The following SNX6 variants were observed in gnomAD, a reference collection of about 807,000 sequenced individuals.
SNX6 encodes the protein sorting nexin-6.
A neutral mutation model predicts 63.0 loss-of-function variants in SNX6; 34 were observed. The observed-to-expected ratio is 0.54, with a 90% confidence interval of 0.41 to 0.72. SNX6 has a LOEUF of 0.72. Among genes scored for constraint, SNX6 ranks in the 30% least tolerant of loss-of-function variants. The probability of loss-of-function intolerance (pLI) is 0.00; values close to 1 mark genes in which losing one functional copy is unlikely to be tolerated. For missense variants in SNX6, 398 were observed against 471.4 expected, an observed-to-expected ratio of 0.84 and a Z score of 1.44; for synonymous variants, 170 against 164.2, an observed-to-expected ratio of 1.04 and a Z score of -0.27.
chr14:34,608,708 T>C (rs1883111545), intron 3 of SNX6, among the ~76,000 whole-genome samples: 1 of 152,176 alleles, frequency 6.6e-6, no homozygotes, highest in Non-Finnish European at 1.5e-5. Flanking sequence ...TCTGAAAATG[T>C]GCTCAAGAAC....
chr14:34,611,469 C>T (rs1373550876), intron 2 of SNX6, among the ~76,000 whole-genome samples: 3 of 150,932 alleles, frequency 2.0e-5, no homozygotes, highest in Non-Finnish European at 4.4e-5. Context: ...AGAGCCAAAC[C>T]CTGTCTCAAA....
At chr14:34,585,925 G>A (rs1377951333) in intron 9 of SNX6, among the ~76,000 whole-genome samples, 2 of 145,266 alleles carry the variant, frequency 1.4e-5, no homozygotes, top group Non-Finnish European at 1.5e-5. Context: ...TTTTTTTTGA[G>A]ATGGAGTCTC....
At chr14:34,608,505 T>G (rs552329633) in intron 3 of SNX6, among the ~76,000 whole-genome samples, 2 of 152,282 alleles carry the variant, frequency 1.3e-5, no homozygotes, top group South Asian at 4.1e-4. Context: ...TTAAAAAAAT[T>G]CATCTTATTT....
chr14:34,616,516 C>T (rs1260501768), intron 2 of SNX6, among the ~76,000 whole-genome samples: 1 of 151,998 alleles, frequency 6.6e-6, no homozygotes, highest in Non-Finnish European at 1.5e-5. Flanking sequence ...ACTACAGGCA[C>T]ACATCACCAT....
intron 7 of SNX6, among the ~76,000 whole-genome samples, chr14:34,594,372 C>G (rs1318586760): frequency 6.6e-6 from 1 of 151,124 alleles, no homozygotes; most frequent in East Asian, 1.9e-4. Flanking sequence ...TTATTATCTT[C>G]AGACAGAGTC....
intron 2 of SNX6, among the ~76,000 whole-genome samples, chr14:34,616,292 T>C (rs1480114957): frequency 6.6e-6 from 1 of 152,118 alleles, no homozygotes; most frequent in Non-Finnish European, 1.5e-5. Flanking sequence ...ACAATTTAAC[T>C]AGCAACATTT....
At chr14:34,598,759 T>C (rs1882696173) in intron 6 of SNX6, among the ~76,000 whole-genome samples, 1 of 152,126 alleles carries the variant, frequency 6.6e-6, no homozygotes, top group South Asian at 2.1e-4. Context: ...TGGCTCCTGC[T>C]TGGAGTCCCA....
chr14:34,615,453 CT>C (rs1210803895), intron 2 of SNX6, among the ~76,000 whole-genome samples: 2 of 152,154 alleles, frequency 1.3e-5, no homozygotes, highest in Non-Finnish European at 2.9e-5. Context: ...ACCTCCTGGG[CT>C]TAAGTGATTC....
At chr14:34,609,389 G>A (rs1317703138) in intron 3 of SNX6, among the ~76,000 whole-genome samples, 1 of 149,102 alleles carries the variant, frequency 6.7e-6, no homozygotes, top group Non-Finnish European at 1.5e-5. Flanking sequence ...GCTGAGGCAG[G>A]AGAATGGCGT....
chr14:34,587,968 G>T (rs997519000), intron 8 of SNX6, among the ~76,000 whole-genome samples: 1 of 150,934 alleles, frequency 6.6e-6, no homozygotes, highest in African/African-American at 2.4e-5. Context: ...ATGCCACCAT[G>T]CCCAGCTAAT....
At chr14:34,591,916 C>CT (rs1318641185) in intron 8 of SNX6, among the ~76,000 whole-genome samples, 1 of 152,190 alleles carries the variant, frequency 6.6e-6, no homozygotes, top group Non-Finnish European at 1.5e-5. Flanking sequence ...AATCACAACT[C>CT]TATCACTAAA....
At chr14:34,603,285 C>CAAAA in intron 6 of SNX6, 63 bp downstream of exon 6, 2 of 1,163,092 alleles carry the variant, frequency 1.7e-6, no homozygotes, top group South Asian at 1.7e-5. Flanking sequence ...GATTCCGTCT[C>CAAAA]AAAAAAAAAA....
chr14:34,603,416 G>GACACAGGAACACTTCAT lies in SNX6; in HGVS notation c.431_447dup (p.Arg150MetfsTer14). 1 of 1,609,900 alleles carries GACACAGGAACACTTCAT rather than the reference G, an allele frequency of 6.2e-7. No individual in the cohort carries two copies. Among genetic ancestry groups the GACACAGGAACACTTCAT allele is most frequent in the Non-Finnish European group, 8.5e-7 (1 of 1,177,640 alleles). On this transcript the variant is annotated frameshift_variant, in exon 6 of 14. Coordinates refer to ENST00000362031, the MANE Select transcript of SNX6 (RefSeq NM_152233.4). LOFTEE classifies it high-confidence loss of function. ...CTCAAAATAGGATGTGCTGCCACAC[G>GACACAGGAACACTTCAT]ACACAGGAACACTTCATGCATCGCA...
At chr14:34,607,218 T>A (rs1204907897) in intron 4 of SNX6, among the ~76,000 whole-genome samples, 1 of 152,050 alleles carries the variant, frequency 6.6e-6, no homozygotes, top group Non-Finnish European at 1.5e-5. Context: ...AGAAAACACT[T>A]CAGGATAAAA....
Position 34,608,683 on chromosome 14 carries a change from G to A in SNX6, c.160-543C>T, listed in dbSNP as rs548416003. Among the ~76,000 whole-genome samples the A allele has an allele frequency of 4.6e-5, 7 of 152,154 alleles. No homozygotes were observed. The South Asian group carries it at 1.4e-3, about 32-fold the overall frequency. On this transcript the variant is annotated intron_variant, in intron 3 of 13. Coordinates refer to ENST00000362031, the MANE Select transcript of SNX6 (RefSeq NM_152233.4). ...ATCAAACTCAACTATTCAAACAAAG[G>A]AAAGAAATCTGCAATCTGAAAATGT...
chr14:34,570,051 G>GT (rs1473410422), intron 11 of SNX6, among the ~76,000 whole-genome samples: 1 of 149,506 alleles, frequency 6.7e-6, no homozygotes, highest in African/African-American at 2.5e-5. Flanking sequence ...CACTTATTTT[G>GT]TTTTTTTGGG....
chr14:34,588,373 C>T (rs542253346), intron 8 of SNX6, among the ~76,000 whole-genome samples: 55 of 152,140 alleles, frequency 3.6e-4, no homozygotes, highest in South Asian at 1.0e-3. Context: ...ATCCCCTTGC[C>T]TCAGCATCCC....
At position 34,596,518 on chromosome 14, in the gene SNX6, C is replaced by T. The variant is rs1320931336; in HGVS notation, c.612+1032G>A. ...CCTGTAATCCCAGCTACTCAGGAGGCTGAGGCAGGAGAATTGCTTGAACCT... is the reference window on the plus strand; with the variant it reads ...CCTGTAATCCCAGCTACTCAGGAGGTTGAGGCAGGAGAATTGCTTGAACCT... On this transcript the variant is annotated intron_variant, in intron 7 of 13. Transcript: ENST00000362031. Among the ~76,000 whole-genome samples, 5 of 148,808 alleles carry T rather than the reference C, an allele frequency of 3.4e-5. No individual in the cohort carries two copies. In the South Asian group the frequency reaches 1.1e-3, roughly 32 times the overall value.
intron 11 of SNX6, 131 bp from the exon 12 acceptor site, chr14:34,568,144 AT>A (rs35123961): frequency 0.078 from 35,174 of 453,594 alleles, 7 homozygotes; most frequent in Middle Eastern, 0.097. Flanking sequence ...AGTTACTCCA[AT>A]TTTTTTTTTT....
Sources: gnomAD v4.1 joint callset for allele counts (sites outside exome capture counted in the v4.1 genomes callset) on GRCh38, gnomAD v4.1.1 for gene constraint, MANE v1.5 for transcripts, NCBI Gene and HGNC (gene_info 2026-07-23, HGNC 2026-07-21) for gene names.